Variants in KCNK2 observed in about 807,000 individuals in gnomAD.
The protein encoded by KCNK2 is potassium two pore domain channel subfamily K member 2.
A neutral mutation model predicts 40.5 loss-of-function variants in KCNK2; 21 were observed. The ratio of observed to expected loss-of-function variants is 0.52; its 90% CI spans 0.37 to 0.75. KCNK2 has a LOEUF of 0.75. Ranked by LOEUF, KCNK2 falls within the 30% of genes least tolerant of loss-of-function variation. The pLI, the probability that KCNK2 is intolerant of heterozygous loss-of-function variation, is 0.00. For synonymous variants in KCNK2, 191 were observed against 202.2 expected (o/e 0.94, Z 0.47); for missense variants, 399 against 531.6 (o/e 0.75, Z 2.45).
chr1:215,041,016 G>A (rs1281597873), intron 1 of KCNK2, among the ~76,000 whole-genome samples: 2 of 152,082 alleles, frequency 1.3e-5, no homozygotes, highest in Non-Finnish European at 2.9e-5. Context: ...TTCCTTTTAA[G>A]CTTTTGCATT....
At chr1:215,087,585 A>C (rs1170114915) in intron 2 of KCNK2, among the ~76,000 whole-genome samples, 1 of 152,220 alleles carries the variant, frequency 6.6e-6, no homozygotes, top group Non-Finnish European at 1.5e-5. Flanking sequence ...TGGTTGTTGA[A>C]AATGTTTTAA....
Position 215,224,099 on chromosome 1 carries a change from C to T in KCNK2, c.964-10729C>T, listed in dbSNP as rs1039105019. ...GTTAAGCAGCATATTGAAAATGAAA[C>T]GATGTCTAATCTCTTGGAGATTGCT... On this transcript the variant is annotated intron_variant, in intron 6 of 6. Coordinates refer to ENST00000444842, the MANE Select transcript of KCNK2 (RefSeq NM_001017425.3). 3.3e-5 allele frequency among the ~76,000 whole-genome samples: 5 copies of T among 152,200 alleles called. No homozygotes were observed. In the East Asian group the frequency reaches 5.8e-4, roughly 18 times the overall value.
chr1:215,070,218 G>A (rs1472744021), intron 1 of KCNK2, among the ~76,000 whole-genome samples: 4 of 147,846 alleles, frequency 2.7e-5, no homozygotes, highest in African/African-American at 1.0e-4. Context: ...TAGGCATCCT[G>A]GCTAACATGG....
intron 3 of KCNK2, among the ~76,000 whole-genome samples, chr1:215,128,470 G>A (rs538604173): frequency 5.6e-4 from 85 of 152,248 alleles, no homozygotes; most frequent in Middle Eastern, 3.4e-3. Context: ...AATCTCATTT[G>A]GGAGACAACA....
chr1:215,222,857 G>A (rs535045721), intron 6 of KCNK2, among the ~76,000 whole-genome samples: 1 of 152,050 alleles, frequency 6.6e-6, no homozygotes, highest in African/African-American at 2.4e-5. Context: ...ATAATTGTTA[G>A]GAATTTTAGT....
At chr1:215,171,733 G>A (rs545422603) in intron 4 of KCNK2, among the ~76,000 whole-genome samples, 2 of 152,230 alleles carry the variant, frequency 1.3e-5, no homozygotes, top group East Asian at 1.9e-4. Context: ...GTAAAGCTAT[G>A]TGAGGATAAA....
intron 1 of KCNK2, among the ~76,000 whole-genome samples, chr1:215,036,787 G>A (rs1290651652): frequency 1.3e-5 from 2 of 151,706 alleles, no homozygotes; most frequent in Admixed American, 1.3e-4. Flanking sequence ...TGATGTTTTT[G>A]TGTGTGTTAT....
Position 215,235,189 on chromosome 1 carries a change from T to A in KCNK2, c.*44T>A, listed in dbSNP as rs776566359. 2 of 1,483,984 alleles carry A rather than the reference T, an allele frequency of 1.3e-6. No homozygotes were observed. Among genetic ancestry groups the A allele is most frequent in the Admixed American group, 3.6e-5 (2 of 56,140 alleles). 91.9% of individuals were successfully genotyped at this position (1,483,984 alleles called of 1,614,324 possible). A position where few individuals can be genotyped will look rare whatever the true frequency, so the allele number is the denominator to read the frequency against. On this transcript the variant is annotated 3_prime_UTR_variant, in exon 7 of 7. Coordinates refer to ENST00000444842, the MANE Select transcript of KCNK2 (RefSeq NM_001017425.3). ...TTAGGCATAGCCATAGGTGAGGACT[T>A]CTCTATGCTCTTTATGACTGTTGCT...
At chr1:215,024,421 G>A (rs1656925614) in intron 1 of KCNK2, among the ~76,000 whole-genome samples, 1 of 152,150 alleles carries the variant, frequency 6.6e-6, no homozygotes, top group South Asian at 2.1e-4. Flanking sequence ...TGAATAATAT[G>A]TTTCTAATCC....
chr1:215,145,635 C>T (rs1260732950), intron 3 of KCNK2, among the ~76,000 whole-genome samples: 2 of 152,082 alleles, frequency 1.3e-5, no homozygotes, highest in Non-Finnish European at 2.9e-5. Context: ...TATCAGTTTA[C>T]TGCTATAGTA....
chr1:215,197,198 C>T (rs1664900195), intron 6 of KCNK2, among the ~76,000 whole-genome samples: 1 of 152,112 alleles, frequency 6.6e-6, no homozygotes, highest in Non-Finnish European at 1.5e-5. Flanking sequence ...AAAAACAGTG[C>T]TTTTTGTGAT....
chr1:215,064,511 AC>A (rs1321715601), intron 1 of KCNK2, among the ~76,000 whole-genome samples: 1 of 152,202 alleles, frequency 6.6e-6, no homozygotes, highest in African/African-American at 2.4e-5. Flanking sequence ...TAGATTTTGC[AC>A]GAGGCACCAT....
intron 3 of KCNK2, among the ~76,000 whole-genome samples, chr1:215,160,538 C>A (rs1663147983): frequency 2.0e-5 from 3 of 152,184 alleles, no homozygotes; most frequent in Admixed American, 2.0e-4. Flanking sequence ...GTCATTGATA[C>A]CCAATTTGTT....
chr1:215,199,309 C>A (rs1231137063), intron 6 of KCNK2, among the ~76,000 whole-genome samples: 1 of 151,242 alleles, frequency 6.6e-6, no homozygotes, highest in Non-Finnish European at 1.5e-5. Context: ...ACTCCATCTC[C>A]AAAAAAATAA....
chr1:215,223,509 C>T (rs148081305), intron 6 of KCNK2, among the ~76,000 whole-genome samples: 29 of 151,758 alleles, frequency 1.9e-4, no homozygotes, highest in Non-Finnish European at 3.8e-4. Flanking sequence ...CTGATTAGGA[C>T]AAGATTGTAG....
chr1:215,116,787 A>T (rs1660963700), intron 2 of KCNK2, among the ~76,000 whole-genome samples: 1 of 152,036 alleles, frequency 6.6e-6, no homozygotes, highest in Admixed American at 6.6e-5. Context: ...AAATAAATAT[A>T]TTTTGACTCA....
chr1:215,172,103 T>C lies in KCNK2; in HGVS notation c.743T>C (p.Ile248Thr). ...VALPAIIFKH[I>T]EGWSALDAIY... ...CTGCCTGCGATCATATTCAAACACATAGAAGGCTGGAGTGCCCTGGACGCC... is the reference window on the plus strand; with the variant it reads ...CTGCCTGCGATCATATTCAAACACACAGAAGGCTGGAGTGCCCTGGACGCC... Residue 248 changes from isoleucine to threonine, a missense_variant, in exon 5 of 7, where the codon ATA becomes ACA. Coordinates refer to ENST00000444842, the MANE Select transcript of KCNK2 (RefSeq NM_001017425.3). 1 of 1,613,652 alleles carries C rather than the reference T, an allele frequency of 6.2e-7. No homozygotes were observed. The highest frequency in any genetic ancestry group is 8.5e-7 in the Non-Finnish European group (1 of 1,179,754).
chr1:215,209,254 C>CAAATATT (rs1346424256), intron 6 of KCNK2, among the ~76,000 whole-genome samples: 1 of 117,130 alleles, frequency 8.5e-6, no homozygotes, highest in African/African-American at 3.5e-5. Flanking sequence ...ATACACATAT[C>CAAATATT]TTATATATAA....
intron 6 of KCNK2, among the ~76,000 whole-genome samples, chr1:215,213,267 A>G (rs1665818757): frequency 6.6e-6 from 1 of 152,196 alleles, no homozygotes; most frequent in South Asian, 2.1e-4. Flanking sequence ...AAAATTGCCA[A>G]CTAAAAGCAC....
Sources: allele counts gnomAD v4.1 joint callset (sites outside exome capture counted in the v4.1 genomes callset), GRCh38; gene constraint gnomAD v4.1.1; transcripts MANE v1.5; gene names NCBI Gene and HGNC (gene_info 2026-07-23, HGNC 2026-07-21).